Variants in MOSMO observed in about 807,000 individuals in gnomAD.
MOSMO encodes modulator of smoothened protein.
Under a neutral mutation model 18.4 loss-of-function variants are expected in MOSMO, and 5 were observed. That is an observed-to-expected ratio of 0.27 (90% CI 0.14 to 0.57). The LOEUF is 0.57. Ranked by LOEUF, MOSMO falls within the 20% of genes least tolerant of loss-of-function variation. The probability of loss-of-function intolerance (pLI) is 0.92; values close to 1 mark genes in which losing one functional copy is unlikely to be tolerated. For missense variants in MOSMO, 138 were observed against 211.8 expected, an observed-to-expected ratio of 0.65 and a Z score of 2.16; for synonymous variants, 82 against 82.3, an observed-to-expected ratio of 1.00 and a Z score of 0.02.
intron 1 of MOSMO, among the ~76,000 whole-genome samples, chr16:22,050,011 G>T (rs60633976): frequency 6.6e-6 from 1 of 152,156 alleles, no homozygotes; most frequent in African/African-American, 2.4e-5. Context: ...GCTCACCTTG[G>T]AAAGTAAGCA....
intron 1 of MOSMO, among the ~76,000 whole-genome samples, chr16:22,037,329 C>G (rs1292300897): frequency 6.6e-6 from 1 of 152,050 alleles, no homozygotes; most frequent in Non-Finnish European, 1.5e-5. Flanking sequence ...AATGTATTTG[C>G]AAGAAGAAAG....
intron 1 of MOSMO, among the ~76,000 whole-genome samples, chr16:22,009,107 G>T (rs2141973558): frequency 6.6e-6 from 1 of 152,304 alleles, no homozygotes; most frequent in East Asian, 1.9e-4. Context: ...GGCAATGTTT[G>T]AGAAGCTTGT....
At chr16:22,024,146 T>G (rs539733012) in intron 1 of MOSMO, among the ~76,000 whole-genome samples, 3 of 152,084 alleles carry the variant, frequency 2.0e-5, no homozygotes, top group African/African-American at 4.8e-5. Flanking sequence ...ATCCTGGATC[T>G]AGATCTTCTA....
At position 22,082,887 on chromosome 16, in the gene MOSMO, TC is replaced by T. The variant is rs1901107553; in HGVS notation, c.*2009del. The T allele has an allele frequency of 1.3e-5, 2 of 152,160 alleles. No individual in the cohort carries two copies. Among genetic ancestry groups the T allele is most frequent in the South Asian group, 4.1e-4 (2 of 4,820 alleles). The allele number at this position is 152,160 out of a possible 1,614,324, so 9.4% of individuals were successfully genotyped here. Reference sequence around the variant, plus strand: ...CAGAGTAAAAGAAACCTTTGGGAGATCCTGAGGGAGACTGTTTCTCCCCAAG... The same window carrying T: ...CAGAGTAAAAGAAACCTTTGGGAGATCTGAGGGAGACTGTTTCTCCCCAAG... On this transcript the variant is annotated 3_prime_UTR_variant, in exon 3 of 3. Coordinates refer to ENST00000542527, the MANE Select transcript of MOSMO (RefSeq NM_001164579.2).
chr16:22,062,892 G>A (rs547000934), intron 1 of MOSMO, among the ~76,000 whole-genome samples: 50 of 152,270 alleles, frequency 3.3e-4, no homozygotes, highest in South Asian at 1.2e-3. Context: ...TTTCTCTGTC[G>A]CCCAGGCTGG....
downstream of MOSMO, among the ~76,000 whole-genome samples, chr16:22,088,562 G>A (rs1901232374): frequency 2.6e-5 from 4 of 152,144 alleles, 1 homozygote; most frequent in South Asian, 8.3e-4. Flanking sequence ...AACTATTAAA[G>A]GAATTCCTAT....
intron 1 of MOSMO, among the ~76,000 whole-genome samples, chr16:22,058,513 T>G (rs1447310831): frequency 6.6e-6 from 1 of 151,968 alleles, no homozygotes; most frequent in African/African-American, 2.4e-5. Context: ...TGCTGAGAAT[T>G]TACTTTGACT....
At chr16:22,073,186 T>G (rs1344670839) in intron 1 of MOSMO, among the ~76,000 whole-genome samples, 1 of 152,154 alleles carries the variant, frequency 6.6e-6, no homozygotes. Context: ...GAAGGAAAGT[T>G]CAGTTATGAT....
intron 1 of MOSMO, among the ~76,000 whole-genome samples, chr16:22,014,452 G>T (rs1055372745): frequency 6.6e-6 from 1 of 152,114 alleles, no homozygotes; most frequent in African/African-American, 2.4e-5. Flanking sequence ...GCCTTGGTGA[G>T]GGGTATCATT....
At chr16:22,060,269 A>G (rs1900615722) in intron 1 of MOSMO, among the ~76,000 whole-genome samples, 1 of 152,256 alleles carries the variant, frequency 6.6e-6, no homozygotes, top group Non-Finnish European at 1.5e-5. Flanking sequence ...TATGGGGGAA[A>G]TATTGGTAAA....
At chr16:22,032,592 C>T (rs1952688445) in intron 1 of MOSMO, among the ~76,000 whole-genome samples, 1 of 152,150 alleles carries the variant, frequency 6.6e-6, no homozygotes, top group Non-Finnish European at 1.5e-5. Context: ...GTTGCCCAGG[C>T]TGGAGTGCAG....
At chr16:22,031,857 C>T (rs1900000759) in intron 1 of MOSMO, among the ~76,000 whole-genome samples, 1 of 152,180 alleles carries the variant, frequency 6.6e-6, no homozygotes, top group Non-Finnish European at 1.5e-5. Flanking sequence ...TTTCATTTCC[C>T]TTGCATATAT....
At chr16:22,030,051 C>T (rs1263397944) in intron 1 of MOSMO, among the ~76,000 whole-genome samples, 2 of 152,224 alleles carry the variant, frequency 1.3e-5, no homozygotes, top group South Asian at 2.1e-4. Context: ...CTCTCCCCAG[C>T]AGATTCTGGA....
chr16:22,018,518 A>T (rs891850527), intron 1 of MOSMO, among the ~76,000 whole-genome samples: 10 of 152,222 alleles, frequency 6.6e-5, no homozygotes, highest in African/African-American at 2.4e-4. Flanking sequence ...TTAATTTACT[A>T]TGAATATTTT....
chr16:22,015,924 TTAGAG>T (rs1283054309), intron 1 of MOSMO, among the ~76,000 whole-genome samples: 2 of 152,002 alleles, frequency 1.3e-5, no homozygotes, highest in African/African-American at 2.4e-5. Context: ...AGAAAAAAAA[TTAGAG>T]TAAAGACTGC....
At chr16:22,016,560 G>A (rs2141981172) in intron 1 of MOSMO, among the ~76,000 whole-genome samples, 1 of 152,304 alleles carries the variant, frequency 6.6e-6, no homozygotes, top group Non-Finnish European at 1.5e-5. Flanking sequence ...TGGGACACAT[G>A]TAACTACCAA....
At chr16:22,091,998 C>G (rs1289978941), downstream of MOSMO, among the ~76,000 whole-genome samples, 1 of 152,322 alleles carries the variant, frequency 6.6e-6, no homozygotes, top group African/African-American at 2.4e-5. Flanking sequence ...GTTTTCCTAG[C>G]AAACAATCCA....
In MOSMO at chr16:22,084,088, G is replaced by A. The variant is rs1461116661; in HGVS notation, c.*3208G>A. 3 of 177,436 alleles carry A rather than the reference G, an allele frequency of 1.7e-5. No homozygotes were observed. The highest frequency in any genetic ancestry group is 3.5e-5 in the Non-Finnish European group (3 of 84,702). The allele number at this position is 177,436 out of a possible 1,614,324, so 11.0% of individuals were successfully genotyped here. A position where few individuals can be genotyped will look rare whatever the true frequency, so the allele number is the denominator to read the frequency against. Reference sequence around the variant, plus strand: ...GTGAATTCACTGTTTAATCTATTAAGTGAAATAATAAATAGTCCTGGTGAC... The same window carrying A: ...GTGAATTCACTGTTTAATCTATTAAATGAAATAATAAATAGTCCTGGTGAC... On this transcript the variant is annotated 3_prime_UTR_variant, in exon 3 of 3. Coordinates refer to ENST00000542527, the MANE Select transcript of MOSMO (RefSeq NM_001164579.2).
chr16:22,017,890 A>G (rs1899673707), intron 1 of MOSMO, among the ~76,000 whole-genome samples: 1 of 152,180 alleles, frequency 6.6e-6, no homozygotes, highest in Non-Finnish European at 1.5e-5. Flanking sequence ...ACAAAAAAAA[A>G]GAGCATTTGG....
Sources: gnomAD v4.1 joint callset for allele counts (sites outside exome capture counted in the v4.1 genomes callset) on GRCh38, gnomAD v4.1.1 for gene constraint, MANE v1.5 for transcripts, NCBI Gene and HGNC (gene_info 2026-07-23, HGNC 2026-07-21) for gene names.